Variants in FYCO1 observed in about 807,000 individuals in gnomAD.
The protein encoded by FYCO1 is FYVE and coiled-coil domain autophagy adaptor 1, also known as FYVE and coiled-coil domain-containing protein 1.
Under a neutral mutation model 165.1 loss-of-function variants are expected in FYCO1, and 122 were observed. That is an observed-to-expected ratio of 0.74 (90% CI 0.64 to 0.86). The LOEUF is 0.86. Among genes scored for constraint, FYCO1 ranks in the 40% least tolerant of loss-of-function variants. The pLI, the probability that FYCO1 is intolerant of heterozygous loss-of-function variation, is 0.00. For missense variants in FYCO1, 1,702 were observed against 1,810.3 expected, an observed-to-expected ratio of 0.94 and a Z score of 1.09; for synonymous variants, 648 against 742.5, an observed-to-expected ratio of 0.87 and a Z score of 2.07.
chr3:45,968,827 T>C lies in FYCO1; in HGVS notation c.631-124A>G. 7.2e-6 allele frequency: 8 copies of C among 1,115,860 alleles called. No individual in the cohort carries two copies. The South Asian group carries it at 8.0e-5, about 11-fold the overall frequency. The allele number at this position is 1,115,860 out of a possible 1,614,324, so 69.1% of individuals were successfully genotyped here. On this transcript the variant is annotated intron_variant, in intron 7 of 17. Coordinates refer to ENST00000296137, the MANE Select transcript of FYCO1 (RefSeq NM_024513.4). ...GGCATTACCTGCCCTAAGGTTAGTC[T>C]AAAGAACTATTCAAAAGACTAGAAT...
Position 45,979,729 on chromosome 3 carries a change from G to T in FYCO1, c.264C>A (p.Ile88=), listed in dbSNP as rs1706951184. Residue 88 remains isoleucine, a synonymous_variant, in exon 4 of 18, where the codon ATC becomes ATA. Transcript: ENST00000296137. ...CCTCTGAGATAGACTTGACAAAGCG[G>T]ATCCCATCATTGGCTCCTTTCACCT... The part of the protein sequence containing the change: ...LAKVKGANDG[I]RFVKSISELR... 1.2e-6 allele frequency: 2 copies of T among 1,614,030 alleles called. No individual in the cohort carries two copies. The highest frequency in any genetic ancestry group is 1.7e-6 in the Non-Finnish European group (2 of 1,179,942).
intron 16 of FYCO1, among the ~76,000 whole-genome samples, chr3:45,924,929 T>A (rs903195791): frequency 2.3e-5 from 2 of 87,670 alleles, no homozygotes; most frequent in African/African-American, 3.6e-5. Flanking sequence ...AACCAACATT[T>A]AAAAAAAATT....
intron 14 of FYCO1, chr3:45,946,920 T>C (rs749054110): frequency 4.3e-6 from 7 of 1,614,122 alleles, no homozygotes; most frequent in Non-Finnish European, 5.9e-6. Flanking sequence ...GAGGATGACC[T>C]GGGGCAAGGT....
At chr3:45,990,084 T>C (rs1318410987) in intron 1 of FYCO1, among the ~76,000 whole-genome samples, 2 of 152,218 alleles carry the variant, frequency 1.3e-5, no homozygotes, top group African/African-American at 4.8e-5. Context: ...CAAAATTATA[T>C]GCTCTGGGAC....
rs113142835 is a variant in FYCO1, at chr3:45,990,985, G to A, written c.-113+4737C>T. Among the ~76,000 whole-genome samples, 433 of 152,012 alleles carry A rather than the reference G, an allele frequency of 2.8e-3. 1 individual carries two copies. The highest frequency in any genetic ancestry group is 8.4e-3 in the African/African-American group (347 of 41,458). ...AGTAGAGACGGGGTTTCACCATGTT[G>A]GCCAGGATGGTCTTGATCTCCTGAC... is the stretch of plus-strand genomic sequence containing the variant. On this transcript the variant is annotated intron_variant, in intron 1 of 17. Coordinates refer to ENST00000296137, the MANE Select transcript of FYCO1 (RefSeq NM_024513.4).
chr3:45,967,112 G>T lies in FYCO1; in HGVS notation c.2222C>A (p.Thr741Asn). The T allele has an allele frequency of 6.2e-7, 1 of 1,614,008 alleles. No homozygotes were observed. Among genetic ancestry groups the T allele is most frequent in the Non-Finnish European group, 8.5e-7 (1 of 1,179,960 alleles). Residue 741 changes from threonine (T) to asparagine (N), a missense_variant, in exon 8 of 18, where the codon ACC (threonine) becomes AAC (asparagine). Coordinates refer to ENST00000296137, the MANE Select transcript of FYCO1 (RefSeq NM_024513.4). ...TGCTGTGAGGACCTCAATCAGCTGGGTCTGCTGCTGGCACTGGCTCTCGAG... is the reference window on the plus strand; with the variant it reads ...TGCTGTGAGGACCTCAATCAGCTGGTTCTGCTGCTGGCACTGGCTCTCGAG... ...RALESQCQQQ[T>N]QLIEVLTAEK...
At chr3:45,960,335 C>T (rs1014492370) in intron 11 of FYCO1, among the ~76,000 whole-genome samples, 3 of 152,214 alleles carry the variant, frequency 2.0e-5, no homozygotes, top group Non-Finnish European at 2.9e-5. Context: ...CCACTCAGGT[C>T]CTGAGAGAGA....
intron 16 of FYCO1, among the ~76,000 whole-genome samples, chr3:45,927,809 G>T (rs571594075): frequency 6.6e-6 from 1 of 152,244 alleles, no homozygotes; most frequent in Non-Finnish European, 1.5e-5. Flanking sequence ...GGAGGGGAAG[G>T]CTTGCTGTTT....
chr3:45,991,293 C>CCA (rs1707550211), intron 1 of FYCO1, among the ~76,000 whole-genome samples: 1 of 152,154 alleles, frequency 6.6e-6, no homozygotes, highest in Non-Finnish European at 1.5e-5. Context: ...TGTGTCTACT[C>CCA]CACACTGCCT....
Position 45,966,907 on chromosome 3 carries a change from C to A in FYCO1, c.2427G>T (p.Val809=). Residue 809 remains valine, a synonymous_variant, in exon 8 of 18, where the codon GTG becomes GTT. Transcript: ENST00000296137. The part of the protein sequence containing the change: ...MRAALDDQDK[V]QSQLSMAEAV... ...CCTCAGCCATGCTTAGCTGGCTCTG[C>A]ACCTTGTCCTGGTCATCCAGGGCTG... 6.2e-7 allele frequency: 1 copy of A among 1,613,700 alleles called. No individual in the cohort carries two copies. The highest frequency in any genetic ancestry group is 8.5e-7 in the Non-Finnish European group (1 of 1,180,040).
chr3:45,959,626 A>G, intron 11 of FYCO1, 84 bp from the exon 12 acceptor site: 4 of 1,422,506 alleles, frequency 2.8e-6, no homozygotes, highest in Non-Finnish European at 3.9e-6. Context: ...AAAGACTGGT[A>G]TCAAATTTCC....
In FYCO1 at chr3:45,969,697, C is replaced by T; in HGVS notation, c.608G>A (p.Ser203Asn). 6.2e-7 allele frequency: 1 copy of T among 1,614,084 alleles called. No homozygotes were observed. Among genetic ancestry groups the T allele is most frequent in the Non-Finnish European group, 8.5e-7 (1 of 1,179,964 alleles). ...KPPSRSSSMS[S>N]LVSSYLQTQE... ...TACCTGCAGGTAGCTGCTCACCAAG[C>T]TGCTCATGCTGGAGCTGCGGCTAGG... Residue 203 changes from serine to asparagine, a missense_variant, in exon 7 of 18, where the codon AGC becomes AAC. Ser to Asn is a conservative substitution (Grantham distance 46). Coordinates refer to ENST00000296137, the MANE Select transcript of FYCO1 (RefSeq NM_024513.4).
intron 14 of FYCO1, chr3:45,947,196 G>C: frequency 6.2e-7 from 1 of 1,614,184 alleles, no homozygotes; most frequent in Admixed American, 1.7e-5. Context: ...GGTGATGGCT[G>C]TGTTCCTGCT....
chr3:45,928,204 T>C (rs181480159), intron 16 of FYCO1, among the ~76,000 whole-genome samples: 2 of 152,312 alleles, frequency 1.3e-5, no homozygotes, highest in Admixed American at 6.5e-5. Context: ...CTAAAAACCA[T>C]TAAACTGTAC....
In FYCO1 at chr3:45,968,121, C is replaced by T. The variant is rs1409919052; in HGVS notation, c.1213G>A (p.Glu405Lys). The change falls in exon 8 of 18, where the codon GAG becomes AAG. Residue 405 changes from glutamate to lysine, a missense_variant. Physicochemically the swap from Glu to Lys is moderately conservative, Grantham distance 56. Coordinates refer to ENST00000296137, the MANE Select transcript of FYCO1 (RefSeq NM_024513.4). ...DAAQEMQELG[E>K]KLQALERERT... ...TCCCTTTCTAGGGCTTGAAGCTTCT[C>T]CCCTAGCTCCTGCATCTCCTGGGCC... 5.6e-6 allele frequency: 9 copies of T among 1,614,218 alleles called. No homozygotes were observed. Among genetic ancestry groups the T allele is most frequent in the Non-Finnish European group, 7.6e-6 (9 of 1,180,040 alleles).
At chr3:45,980,282 G>T (rs1007038641) in intron 3 of FYCO1, among the ~76,000 whole-genome samples, 1 of 151,838 alleles carries the variant, frequency 6.6e-6, no homozygotes, top group African/African-American at 2.4e-5. Flanking sequence ...CCAGGAGGCA[G>T]AGGTAGCAGT....
chr3:45,981,033 T>G lies in FYCO1; in HGVS notation c.162+537A>C, dbSNP rs1707023242. Among the ~76,000 whole-genome samples the G allele has an allele frequency of 2.6e-5, 4 of 152,026 alleles. No homozygotes were observed. In the South Asian group the frequency reaches 8.3e-4, roughly 32 times the overall value. ...ACCCCAGAGATTCTGATTCAGTAGG[T>G]TGGGGTGGGAGCCAAGAATATACTA... On this transcript the variant is annotated intron_variant, in intron 3 of 17. Coordinates refer to ENST00000296137, the MANE Select transcript of FYCO1 (RefSeq NM_024513.4).
At position 45,973,198 on chromosome 3, in the gene FYCO1, C is replaced by G. The variant is rs1428031296; in HGVS notation, c.429G>C (p.Gln143His). 6.2e-7 allele frequency: 1 copy of G among 1,614,200 alleles called. No homozygotes were observed. The highest frequency in any genetic ancestry group is 1.7e-5 in the Admixed American group (1 of 60,030). ...DWYYARSPFL[Q>H]PKLSSDIVGQ... ...CCACAATGTCCGAGCTCAGCTTTGGCTGCAGAAAGGGGCTTCTTGCATAGT... is the reference window on the plus strand; with the variant it reads ...CCACAATGTCCGAGCTCAGCTTTGGGTGCAGAAAGGGGCTTCTTGCATAGT... Residue 143 changes from glutamine (Q) to histidine (H), a missense_variant, in exon 6 of 18, where the codon CAG (glutamine) becomes CAC (histidine). Gln to His is a conservative substitution (Grantham distance 24). Coordinates refer to ENST00000296137, the MANE Select transcript of FYCO1 (RefSeq NM_024513.4).
At chr3:45,937,140 G>A (rs1703940093) in intron 14 of FYCO1, among the ~76,000 whole-genome samples, 1 of 152,174 alleles carries the variant, frequency 6.6e-6, no homozygotes, top group African/African-American at 2.4e-5. Flanking sequence ...TTCCCTGTGG[G>A]GTTCCAGGTC....
Sources: gnomAD v4.1 joint callset for allele counts (sites outside exome capture counted in the v4.1 genomes callset) on GRCh38, gnomAD v4.1.1 for gene constraint, MANE v1.5 for transcripts, NCBI Gene and HGNC (gene_info 2026-07-23, HGNC 2026-07-21) for gene names.